CTCFL: variants seen among roughly 807,000 people sequenced by gnomAD.
CTCFL encodes CCCTC-binding factor like.
Under a neutral mutation model 67.4 loss-of-function variants are expected in CTCFL, and 36 were observed. That is an observed-to-expected ratio of 0.53 (90% CI 0.41 to 0.71). The LOEUF (loss-of-function observed/expected upper bound fraction) is 0.71, where lower values mean the gene tolerates loss of function less well. Ranked by LOEUF, CTCFL falls within the 30% of genes least tolerant of loss-of-function variation. CTCFL has a pLI of 0.00. For synonymous variants in CTCFL, 324 were observed against 302.3 expected, an observed-to-expected ratio of 1.07 and a Z score of -0.75; for missense variants, 786 against 835.2, an observed-to-expected ratio of 0.94 and a Z score of 0.73.
intron 5 of CTCFL, among the ~76,000 whole-genome samples, chr20:57,516,223 T>C (rs1037814593): frequency 1.3e-5 from 2 of 152,198 alleles, no homozygotes; most frequent in African/African-American, 4.8e-5. Context: ...TTTTTTTCCT[T>C]GCATAAAGTG....
intron 3 of CTCFL, among the ~76,000 whole-genome samples, chr20:57,522,142 A>T (rs1027083698): frequency 2.9e-4 from 44 of 152,224 alleles, no homozygotes; most frequent in Non-Finnish European, 5.0e-4. Context: ...CACCTATGGA[A>T]GGCAGAGGCA....
At chr20:57,507,898 T>C (rs1167293095) in intron 9 of CTCFL, 5 of 702,700 alleles carry the variant, frequency 7.1e-6, no homozygotes, top group African/African-American at 5.2e-5. Context: ...AAACCATAAA[T>C]GTATTGCTTA....
In CTCFL at chr20:57,498,329, G is replaced by T; in HGVS notation, c.*221C>A. ...AGCTACAAACAGGAGAACAATTCTA[G>T]ACACTACCTCAAACTTGTGTCATCC... On this transcript the variant is annotated 3_prime_UTR_variant, in exon 11 of 11. Transcript: ENST00000243914. 1 of 1,274,452 alleles carries T rather than the reference G, an allele frequency of 7.8e-7. No individual in the cohort carries two copies. The highest frequency in any genetic ancestry group is 9.9e-7 in the Non-Finnish European group (1 of 1,006,452). The allele number at this position is 1,274,452 out of a possible 1,614,324, so 78.9% of individuals were successfully genotyped here.
chr20:57,496,048 T>C (rs2146263500), downstream of CTCFL: 1 of 397,014 alleles, frequency 2.5e-6, no homozygotes. Flanking sequence ...GTTTGGATAT[T>C]TGTCCCTGGC....
chr20:57,504,350 G>C (rs1356298120), intron 9 of CTCFL, among the ~76,000 whole-genome samples: 1 of 150,700 alleles, frequency 6.6e-6, no homozygotes, highest in East Asian at 1.9e-4. Flanking sequence ...CATGGTGTCA[G>C]CTCACTGCAA....
At chr20:57,515,880 T>C (rs2068882418) in intron 5 of CTCFL, 46 bp from the exon 6 acceptor site, 1 of 1,576,728 alleles carries the variant, frequency 6.3e-7, no homozygotes, top group Non-Finnish European at 8.6e-7. Flanking sequence ...AACTAAAAAA[T>C]GGCAGAGTCT....
At position 57,514,385 on chromosome 20, in the gene CTCFL, G is replaced by A. The variant is rs1054431557; in HGVS notation, c.1330+207C>T. ...GTGCATACGGAACAGGCCTGGGCCC[G>A]GATTCTAAAAACATGCTATAAAATG... On this transcript the variant is annotated intron_variant, in intron 7 of 10. Transcript: ENST00000243914. Among the ~76,000 whole-genome samples the A allele has an allele frequency of 1.1e-4, 16 of 152,268 alleles. No individual in the cohort carries two copies. The South Asian group carries it at 1.2e-3, about 12-fold the overall frequency.
At position 57,523,681 on chromosome 20, in the gene CTCFL, T is replaced by C; in HGVS notation, c.525A>G (p.Glu175=). Residue 175 remains glutamate (E), a synonymous_variant, in exon 2 of 11, where the codon GAA becomes GAG. Transcript: ENST00000243914. ...GCTGTACCTTGATCAGTCCAGTAGT[T>C]TCAGCCAGGCTCACCGCTAACTTAC... is the stretch of plus-strand genomic sequence containing the variant. ...EDSKLAVSLA[E]TTGLIKLEEE... 1 of 1,613,564 alleles carries C rather than the reference T, an allele frequency of 6.2e-7. No homozygotes were observed. The highest frequency in any genetic ancestry group is 8.5e-7 in the Non-Finnish European group (1 of 1,179,966).
At chr20:57,514,494 C>A in intron 7 of CTCFL, 98 bp downstream of exon 7, 1 of 1,407,316 alleles carries the variant, frequency 7.1e-7, no homozygotes, top group Non-Finnish European at 9.7e-7. Context: ...GAAGACCGGG[C>A]CTCCCAGTAT....
At chr20:57,509,556 C>T (rs763046958) in intron 8 of CTCFL, among the ~76,000 whole-genome samples, 3 of 152,068 alleles carry the variant, frequency 2.0e-5, no homozygotes, top group Non-Finnish European at 2.9e-5. Context: ...AGCCACTGTA[C>T]CTGGCCTAAA....
At chr20:57,515,918 T>C in intron 5 of CTCFL, 84 bp from the exon 6 acceptor site, 1 of 1,430,692 alleles carries the variant, frequency 7.0e-7, no homozygotes, top group Non-Finnish European at 9.5e-7. Context: ...TAAAAGAGAT[T>C]TAAATTAATC....
At position 57,523,775 on chromosome 20, in the gene CTCFL, G is replaced by C. The variant is rs1327236856; in HGVS notation, c.431C>G (p.Ser144Cys). The stretch of plus-strand genomic sequence containing the variant: ...CTGCAACACCTCCATCTCTTGCGGG[G>C]AGTACAGCTCTTGCTGGATACTAAT... Reference protein sequence around the residue: ...VAISIQQELYSPQEMEVLQFH... With the variant: ...VAISIQQELYCPQEMEVLQFH... Residue 144 changes from serine to cysteine, a missense_variant, in exon 2 of 11, where the codon TCC (serine) becomes TGC (cysteine). Ser to Cys is a moderately radical substitution (Grantham distance 112). Coordinates refer to ENST00000243914, the MANE Select transcript of CTCFL (RefSeq NM_001386993.1). The C allele has an allele frequency of 4.3e-6, 7 of 1,613,336 alleles. No homozygotes were observed. Among genetic ancestry groups the C allele is most frequent in the Middle Eastern group, 3.3e-4 (2 of 6,062 alleles).
At position 57,523,224 on chromosome 20, in the gene CTCFL, G is replaced by C. The variant is rs954030329; in HGVS notation, c.598C>G (p.Leu200Val). The change falls in exon 3 of 11, where the codon CTC becomes GTC. Residue 200 changes from leucine (L) to valine (V), a missense_variant. Leu to Val is a conservative substitution (Grantham distance 32). Around this residue, in one of 3 missense-constraint regions of CTCFL, gnomAD observed 333 missense variants for 304.6 expected, o/e 1.09. Coordinates refer to ENST00000243914, the MANE Select transcript of CTCFL (RefSeq NM_001386993.1). ...CCTGACATTGTTTCCACAAAAAAGA[G>C]CTGCTCCTTTGTTCTTTCAGCCAAT... The part of the protein sequence containing the change: ...QLLAERTKEQ[L>V]FFVETMSGDE... 8 of 1,614,020 alleles carry C rather than the reference G, an allele frequency of 5.0e-6. No individual in the cohort carries two copies. Among genetic ancestry groups the C allele is most frequent in the Non-Finnish European group, 6.8e-6 (8 of 1,180,006 alleles).
At chr20:57,503,399 C>G in intron 10 of CTCFL, 37 bp downstream of exon 10, 1 of 1,612,198 alleles carries the variant, frequency 6.2e-7, no homozygotes. Flanking sequence ...CAGAAAATCA[C>G]TGAGGCGGTA....
intron 6 of CTCFL, 83 bp downstream of exon 6, chr20:57,515,631 T>G: frequency 6.4e-7 from 1 of 1,572,408 alleles, no homozygotes; most frequent in Non-Finnish European, 8.7e-7. Flanking sequence ...GAACTTTAAT[T>G]GTGCCAATAA....
chr20:57,520,207 G>T (rs1281271153), intron 3 of CTCFL, among the ~76,000 whole-genome samples: 1 of 152,194 alleles, frequency 6.6e-6, no homozygotes, highest in East Asian at 1.9e-4. Context: ...CTGCCTGGCA[G>T]AAATTAATAT....
At chr20:57,524,666 C>T (rs1378720445) in intron 1 of CTCFL, 5 of 1,004,390 alleles carry the variant, frequency 5.0e-6, no homozygotes, top group Non-Finnish European at 5.9e-6. Context: ...CCAAGCAGGC[C>T]CCGGGCCAGT....
intron 5 of CTCFL, among the ~76,000 whole-genome samples, 169 bp from the exon 6 acceptor site, chr20:57,516,003 C>A (rs1292769987): frequency 2.6e-5 from 4 of 152,160 alleles, no homozygotes; most frequent in Non-Finnish European, 4.4e-5. Flanking sequence ...TTTTGATCAT[C>A]TGTTATGGGT....
At chr20:57,505,869 G>A (rs1274894946) in intron 9 of CTCFL, among the ~76,000 whole-genome samples, 3 of 152,150 alleles carry the variant, frequency 2.0e-5, no homozygotes, top group African/African-American at 4.8e-5. Flanking sequence ...CTAGGCAAAA[G>A]TAAAAAAACT....
Sources: allele counts gnomAD v4.1 joint callset (sites outside exome capture counted in the v4.1 genomes callset), GRCh38; gene constraint gnomAD v4.1.1; regional missense constraint gnomAD v4.1.1; transcripts MANE v1.5; gene names NCBI Gene and HGNC (gene_info 2026-07-23, HGNC 2026-07-21).